The following RIMS2 variants were observed in gnomAD, a reference collection of about 807,000 sequenced individuals.
RIMS2 encodes the protein regulating synaptic membrane exocytosis protein 2.
RIMS2 carries 59 observed loss-of-function variants against 174.4 expected under a neutral mutation model. That is an observed-to-expected ratio of 0.34 (90% CI 0.27 to 0.42). The LOEUF is 0.42. Ranked by LOEUF, RIMS2 falls within the 10% of genes least tolerant of loss-of-function variation. RIMS2 has a pLI of 1.00. For synonymous variants in RIMS2, 606 were observed against 572.5 expected, an observed-to-expected ratio of 1.06 and a Z score of -0.84; for missense variants, 1,620 against 1,666.3, an observed-to-expected ratio of 0.97 and a Z score of 0.48.
intron 17 of RIMS2, among the ~76,000 whole-genome samples, chr8:104,003,730 C>A (rs1453702145): frequency 6.6e-6 from 1 of 152,010 alleles, no homozygotes; most frequent in Non-Finnish European, 1.5e-5. Context: ...ATCTTATATA[C>A]TCTTCATAAA....
intron 17 of RIMS2, among the ~76,000 whole-genome samples, chr8:104,009,666 C>G (rs978536498): frequency 6.6e-6 from 1 of 152,076 alleles, no homozygotes; most frequent in Non-Finnish European, 1.5e-5. Flanking sequence ...AACCTGAGAC[C>G]ATACTTGTTC....
At chr8:104,243,876 T>C (rs923156866) in intron 19 of RIMS2, among the ~76,000 whole-genome samples, 1 of 152,150 alleles carries the variant, frequency 6.6e-6, no homozygotes, top group Non-Finnish European at 1.5e-5. Flanking sequence ...TCAACACTCA[T>C]AGCTTTTGTA....
At chr8:103,842,984 C>T (rs1056258709) in intron 3 of RIMS2, among the ~76,000 whole-genome samples, 2 of 152,208 alleles carry the variant, frequency 1.3e-5, no homozygotes, top group African/African-American at 4.8e-5. Context: ...CTTAGTGTCT[C>T]TGTCCAAATT....
chr8:103,981,168 AC>A (rs1476930618), intron 16 of RIMS2, among the ~76,000 whole-genome samples: 1 of 152,130 alleles, frequency 6.6e-6, no homozygotes, highest in Non-Finnish European at 1.5e-5. Flanking sequence ...CCTGTGCAGA[AC>A]CAGCGGTGGT....
chr8:103,767,895 G>A (rs2098195849), intron 3 of RIMS2, among the ~76,000 whole-genome samples: 1 of 152,180 alleles, frequency 6.6e-6, no homozygotes, highest in Non-Finnish European at 1.5e-5. Flanking sequence ...CCTATATAGA[G>A]GACAAGGAAG....
At chr8:104,098,094 C>T (rs899615157) in intron 19 of RIMS2, among the ~76,000 whole-genome samples, 1 of 152,034 alleles carries the variant, frequency 6.6e-6, no homozygotes, top group Non-Finnish European at 1.5e-5. Context: ...TAGTAAGTCA[C>T]ATTTAGTAAG....
At chr8:103,745,105 C>T (rs772641788) in intron 2 of RIMS2, among the ~76,000 whole-genome samples, 1 of 152,154 alleles carries the variant, frequency 6.6e-6, no homozygotes, top group Non-Finnish European at 1.5e-5. Context: ...TGTCATGCAA[C>T]CATCACAATT....
At chr8:103,789,376 C>T (rs1463848040) in intron 3 of RIMS2, among the ~76,000 whole-genome samples, 1 of 152,106 alleles carries the variant, frequency 6.6e-6, no homozygotes, top group South Asian at 2.1e-4. Context: ...GACCTCAAAA[C>T]TCTCTTTTAA....
At chr8:104,035,074 T>C (rs1249604841) in intron 19 of RIMS2, among the ~76,000 whole-genome samples, 1 of 152,280 alleles carries the variant, frequency 6.6e-6, no homozygotes, top group African/African-American at 2.4e-5. Context: ...CTTGGACTTA[T>C]ATAGTTCAGA....
intron 2 of RIMS2, among the ~76,000 whole-genome samples, chr8:103,703,297 G>A (rs755743581): frequency 1.3e-5 from 2 of 152,188 alleles, no homozygotes; most frequent in South Asian, 2.1e-4. Flanking sequence ...GAGTGCAGTG[G>A]CACAATCGTG....
chr8:103,831,405 T>C (rs903657850), intron 3 of RIMS2, among the ~76,000 whole-genome samples: 2 of 152,134 alleles, frequency 1.3e-5, no homozygotes, highest in African/African-American at 4.8e-5. Flanking sequence ...GAAACACTCA[T>C]TGGAGAAAAA....
chr8:103,804,260 C>T (rs1043068984), intron 3 of RIMS2, among the ~76,000 whole-genome samples: 3 of 152,060 alleles, frequency 2.0e-5, no homozygotes, highest in Middle Eastern at 3.2e-3. Context: ...ACTGTACACC[C>T]AAGAGAGAAT....
At chr8:104,024,541 C>CGTTGTTGTT (rs55642714) in intron 19 of RIMS2, among the ~76,000 whole-genome samples, 2 of 151,464 alleles carry the variant, frequency 1.3e-5, no homozygotes, top group Non-Finnish European at 3.0e-5. Context: ...CAACCGGTTT[C>CGTTGTTGTT]GTTGTTGTTG....
intron 19 of RIMS2, among the ~76,000 whole-genome samples, chr8:104,128,289 C>A (rs1167274884): frequency 1.3e-5 from 2 of 152,166 alleles, no homozygotes; most frequent in Admixed American, 1.3e-4. Flanking sequence ...TTCTTCTGTG[C>A]TGATTAGTTG....
intron 1 of RIMS2, among the ~76,000 whole-genome samples, chr8:103,668,900 C>A (rs2136291256): frequency 6.6e-6 from 1 of 152,148 alleles, no homozygotes; most frequent in East Asian, 1.9e-4. Context: ...GACTGTCCAG[C>A]CTCTCTCTGT....
rs546478050 is a variant in RIMS2, at chr8:103,729,087, C to G, written c.387+31791C>G. Among the ~76,000 whole-genome samples, 216 of 152,024 alleles carry G rather than the reference C, an allele frequency of 1.4e-3. 1 individual carries two copies. The highest frequency in any genetic ancestry group is 1.7e-3 in the Non-Finnish European group (113 of 67,936). On this transcript the variant is annotated intron_variant, in intron 2 of 23. Coordinates refer to ENST00000504942, the Ensembl canonical transcript of RIMS2. Reference sequence around the variant, plus strand: ...ATTTTGGTATCAGGGTCATAATGGCCTCATAGAATGAGTTTGGAAATATTC... The same window carrying G: ...ATTTTGGTATCAGGGTCATAATGGCGTCATAGAATGAGTTTGGAAATATTC...
At chr8:103,925,284 A>C (rs559343809) in intron 10 of RIMS2, among the ~76,000 whole-genome samples, 1 of 151,690 alleles carries the variant, frequency 6.6e-6, no homozygotes, top group African/African-American at 2.4e-5. Flanking sequence ...TACTTTTAAA[A>C]ATATCTTTTG....
intron 19 of RIMS2, among the ~76,000 whole-genome samples, chr8:104,206,971 GAGAAGTTGTCTGACCTCTTTTT>G (rs1403437424): frequency 1.3e-5 from 2 of 152,320 alleles, no homozygotes; most frequent in East Asian, 3.9e-4. Context: ...AGACAGGACA[GAGAAGTTGTCTGACCTCTTTTT>G]AGAAAAGAAA....
At chr8:104,086,366 G>C (rs1433591366) in intron 19 of RIMS2, among the ~76,000 whole-genome samples, 1 of 147,922 alleles carries the variant, frequency 6.8e-6, no homozygotes, top group Non-Finnish European at 1.5e-5. Context: ...CATTTGTTAA[G>C]GGCAAAAGCA....
Sources: allele counts gnomAD v4.1 joint callset (sites outside exome capture counted in the v4.1 genomes callset), GRCh38; gene constraint gnomAD v4.1.1; transcripts MANE v1.5; gene names NCBI Gene and HGNC (gene_info 2026-07-23, HGNC 2026-07-21).